NRG1: variants seen among roughly 807,000 people sequenced by gnomAD.
NRG1 encodes the protein neuregulin 1.
NRG1 carries 18 observed loss-of-function variants against 63.8 expected under a neutral mutation model. That is an observed-to-expected ratio of 0.28 (90% CI 0.19 to 0.42). The LOEUF is 0.42. NRG1 is among the 10% of genes least tolerant of loss of function. NRG1 has a pLI of 1.00. For synonymous variants in NRG1, 302 were observed against 301.3 expected (o/e 1.00, Z -0.02); for missense variants, 762 against 814.7 (o/e 0.94, Z 0.79).
intron 1 of NRG1, among the ~76,000 whole-genome samples, chr8:31,870,247 A>C (rs1224447885): frequency 6.6e-6 from 1 of 152,166 alleles, no homozygotes; most frequent in Non-Finnish European, 1.5e-5. Context: ...AAAGGAATGT[A>C]GTCAGATGGT....
At chr8:31,787,201 G>A (rs189160395) in intron 1 of NRG1, among the ~76,000 whole-genome samples, 16 of 152,266 alleles carry the variant, frequency 1.1e-4, no homozygotes, top group Admixed American at 5.2e-4. Flanking sequence ...ATTATAATAC[G>A]AATTTTTTTA....
At chr8:32,717,187 T>G (rs1365054431) in intron 5 of NRG1, among the ~76,000 whole-genome samples, 2 of 152,120 alleles carry the variant, frequency 1.3e-5, no homozygotes, top group African/African-American at 4.8e-5. Context: ...ACATTTTCTT[T>G]AGAGAAGCAA....
At chr8:31,660,115 C>T (rs1449581439) in intron 1 of NRG1, among the ~76,000 whole-genome samples, 2 of 152,130 alleles carry the variant, frequency 1.3e-5, no homozygotes, top group South Asian at 4.1e-4. Context: ...AAATGAAACG[C>T]AACGTATGTG....
chr8:31,942,990 A>G (rs1276721394), intron 1 of NRG1, among the ~76,000 whole-genome samples: 1 of 151,958 alleles, frequency 6.6e-6, no homozygotes, highest in African/African-American at 2.4e-5. Context: ...CTAAAAGTAG[A>G]TCTACCATTT....
chr8:32,732,739 A>G (rs1411937451), intron 6 of NRG1, among the ~76,000 whole-genome samples: 3 of 151,560 alleles, frequency 2.0e-5, no homozygotes, highest in African/African-American at 7.3e-5. Flanking sequence ...ACATTCTCTC[A>G]GTAGACATTG....
At chr8:31,827,399 T>C (rs569128924) in intron 1 of NRG1, among the ~76,000 whole-genome samples, 1 of 152,324 alleles carries the variant, frequency 6.6e-6, no homozygotes, top group South Asian at 2.1e-4. Flanking sequence ...AATGGGCCTT[T>C]TTTTTTCCTT....
exon 12 of NRG1, chr8:32,765,924 G>A (rs1190414235): frequency 1.3e-5 from 2 of 152,042 alleles, no homozygotes; most frequent in African/African-American, 2.4e-5. Context: ...TCAGGAAAAT[G>A]GAAGAAAAAA....
At chr8:31,984,092 A>G (rs879568868) in intron 1 of NRG1, among the ~76,000 whole-genome samples, 15 of 152,222 alleles carry the variant, frequency 9.9e-5, no homozygotes, top group Admixed American at 9.2e-4. Flanking sequence ...AATATCTTAC[A>G]AAGACCAAAG....
At chr8:31,796,979 C>T (rs1821292223) in intron 1 of NRG1, among the ~76,000 whole-genome samples, 4 of 152,032 alleles carry the variant, frequency 2.6e-5, no homozygotes, top group African/African-American at 9.7e-5. Flanking sequence ...TCTCCATTTC[C>T]AATCCGTTGT....
At chr8:31,955,556 G>A (rs1355301711) in intron 1 of NRG1, among the ~76,000 whole-genome samples, 1 of 152,152 alleles carries the variant, frequency 6.6e-6, no homozygotes, top group African/African-American at 2.4e-5. Context: ...CTGGTAAGAA[G>A]TTGAGACAGA....
rs371846000 is a variant in NRG1 at position 31,901,966 on chromosome 8, G to A, written c.37+262535G>A. On this transcript the variant is annotated intron_variant, in intron 1 of 10. Coordinates refer to the NRG1 transcript ENST00000519301. ...AACGGAACTTATTCCATTCAACTTC[G>A]TGTAAAGTCTTTTCAAATGACACAA... is the stretch of plus-strand genomic sequence containing the variant. 5.3e-5 allele frequency among the ~76,000 whole-genome samples: 8 copies of A among 152,006 alleles called. No homozygotes were observed. In the South Asian group the frequency reaches 1.0e-3, roughly 20 times the overall value.
intron 1 of NRG1, among the ~76,000 whole-genome samples, chr8:32,048,277 G>GTA (rs1361719208): frequency 6.7e-6 from 1 of 149,544 alleles, no homozygotes; most frequent in African/African-American, 2.5e-5. Context: ...GTATATATAT[G>GTA]TATACATACA....
intron 1 of NRG1, among the ~76,000 whole-genome samples, chr8:32,464,230 A>AT (rs1268752765): frequency 6.7e-6 from 1 of 148,912 alleles, no homozygotes; most frequent in East Asian, 2.0e-4. Context: ...AATGTCTGGT[A>AT]TTTTTTTACA....
At chr8:32,310,206 T>C (rs535053357) in intron 1 of NRG1, among the ~76,000 whole-genome samples, 4 of 152,346 alleles carry the variant, frequency 2.6e-5, no homozygotes, top group South Asian at 2.1e-4. Flanking sequence ...TTAGATAATA[T>C]ATGACGGTTT....
chr8:32,163,760 A>G (rs1839106640), intron 1 of NRG1, among the ~76,000 whole-genome samples: 1 of 152,224 alleles, frequency 6.6e-6, no homozygotes, highest in Non-Finnish European at 1.5e-5. Context: ...AAACACTGGT[A>G]CGTTAGGAAT....
chr8:32,644,625 TG>T (rs1853110402), intron 5 of NRG1, among the ~76,000 whole-genome samples: 1 of 152,166 alleles, frequency 6.6e-6, no homozygotes, highest in South Asian at 2.1e-4. Flanking sequence ...GAATGACTTT[TG>T]GGGGAAAAAC....
At chr8:31,678,225 A>C (rs1215946500) in intron 1 of NRG1, among the ~76,000 whole-genome samples, 1 of 152,112 alleles carries the variant, frequency 6.6e-6, no homozygotes, top group Non-Finnish European at 1.5e-5. Context: ...TCCATGGTCA[A>C]GTTAGCATAG....
rs75222142 is a variant in NRG1 at position 32,501,103 on chromosome 8, C to T, written c.38-94725C>T. 3.8e-3 allele frequency among the ~76,000 whole-genome samples: 571 copies of T among 152,244 alleles called. 5 individuals are homozygous for T. The highest frequency in any genetic ancestry group is 0.013 in the African/African-American group (544 of 41,536). On this transcript the variant is annotated intron_variant, in intron 1 of 10. Coordinates refer to the NRG1 transcript ENST00000519301. ...AGGCATGCTGGCCTACAGCTGACTG[C>T]GTGAGCCTTCAGAAAAGCATCGGCA...
chr8:32,616,959 G>A (rs536461892), intron 5 of NRG1, 74 bp downstream of exon 5: 139 of 1,091,570 alleles, frequency 1.3e-4, no homozygotes, highest in Non-Finnish European at 1.8e-4. Context: ...TCATGTTCAC[G>A]TCTATCTTCT....
Sources: gnomAD v4.1 joint callset for allele counts (sites outside exome capture counted in the v4.1 genomes callset) on GRCh38, gnomAD v4.1.1 for gene constraint, MANE v1.5 for transcripts, NCBI Gene and HGNC (gene_info 2026-07-23, HGNC 2026-07-21) for gene names.